The following FAM186B variants were observed in gnomAD, a reference collection of about 807,000 sequenced individuals.
FAM186B encodes the protein family with sequence similarity 186 member B.
In FAM186B, 68 loss-of-function variants were observed where a neutral mutation model predicts 83.4. The ratio of observed to expected loss-of-function variants is 0.81; its 90% CI spans 0.67 to 1.00. FAM186B has a LOEUF of 1.00. FAM186B is among the 50% of genes least tolerant of loss of function. The pLI is 0.00. For synonymous variants in FAM186B, 389 were observed against 422.0 expected, an observed-to-expected ratio of 0.92 and a Z score of 0.96; for missense variants, 983 against 1,099.2, an observed-to-expected ratio of 0.89 and a Z score of 1.49.
Position 49,605,573 on chromosome 12 carries a change from G to T in FAM186B, c.-96C>A. The T allele has an allele frequency of 7.3e-7, 1 of 1,366,646 alleles. No individual in the cohort carries two copies. Among genetic ancestry groups the T allele is most frequent in the South Asian group, 1.4e-5 (1 of 71,158 alleles). 84.7% of individuals were successfully genotyped at this position (1,366,646 alleles called of 1,614,324 possible). A position where few individuals can be genotyped will look rare whatever the true frequency, so the allele number is the denominator to read the frequency against. On this transcript the variant is annotated 5_prime_UTR_variant, in exon 1 of 7. Coordinates refer to ENST00000257894, the MANE Select transcript of FAM186B (RefSeq NM_032130.3). ...TGCTTTGGAGGTTAAGGGCACCAGG[G>T]TGTCTCCTGGGTACCCTCTGCCCAG... is the stretch of plus-strand genomic sequence containing the variant.
Position 49,599,482 on chromosome 12 carries a change from G to A in FAM186B, c.2158C>T (p.Leu720Phe), listed in dbSNP as rs1452293491. 6.5e-7 allele frequency: 1 copy of A among 1,535,684 alleles called. No homozygotes were observed. The highest frequency in any genetic ancestry group is 8.7e-7 in the Non-Finnish European group (1 of 1,144,316). The change falls in exon 4 of 7, where the codon CTC (leucine) becomes TTC (phenylalanine). Residue 720 changes from leucine to phenylalanine, a missense_variant. By Grantham distance (22) the Leu-to-Phe change is conservative. Coordinates refer to ENST00000257894, the MANE Select transcript of FAM186B (RefSeq NM_032130.3). Reference sequence around the variant, plus strand: ...GGGAGGACCTACCGGAGGCTCTGGAGGCGTCTATAGAAGATGTACTTATGG... The same window carrying A: ...GGGAGGACCTACCGGAGGCTCTGGAAGCGTCTATAGAAGATGTACTTATGG... ...LCHKYIFYRR[L>F]QSLRQEAINH...
At chr12:49,590,465 T>C (rs180884289) in intron 5 of FAM186B, among the ~76,000 whole-genome samples, 102 of 152,320 alleles carry the variant, frequency 6.7e-4, no homozygotes, top group African/African-American at 2.3e-3. Context: ...GAATGGGATA[T>C]AATGGATACA....
At chr12:49,608,322 C>T (rs113679252), upstream of FAM186B, among the ~76,000 whole-genome samples, 9,291 of 150,786 alleles carry the variant, frequency 0.062, 715 homozygotes, top group African/African-American at 0.18. Flanking sequence ...GAAACCTTGT[C>T]TCTACTAAAA....
rs150891582 is a variant in FAM186B at position 49,599,772 on chromosome 12, C to T, written c.1868G>A (p.Arg623His). The change falls in exon 4 of 7, where the codon CGC becomes CAC. Residue 623 changes from arginine (R) to histidine (H), a missense_variant. By Grantham distance (29) the Arg-to-His change is conservative. Transcript: ENST00000257894. The stretch of plus-strand genomic sequence containing the variant: ...TTTCTTGGGCTTTGTGGGAACTCGG[C>T]GGGTCCGTGGTCTGTAGGTAAACTC... The part of the protein sequence containing the change: ...SVEFTYRPRT[R>H]RVPTKPKKSA... 536 of 1,614,010 alleles carry T rather than the reference C, an allele frequency of 3.3e-4. No individual in the cohort carries two copies. The highest frequency in any genetic ancestry group is 4.3e-4 in the Admixed American group (26 of 60,018).
chr12:49,595,562 A>C, intron 5 of FAM186B: 1 of 443,346 alleles, frequency 2.3e-6, no homozygotes, highest in East Asian at 5.8e-5. Flanking sequence ...CGTGTGGAAA[A>C]GGACGGCCTG....
chr12:49,592,776 ACT>A (rs995610410), intron 5 of FAM186B, among the ~76,000 whole-genome samples: 7 of 151,980 alleles, frequency 4.6e-5, no homozygotes, highest in Non-Finnish European at 8.8e-5. Flanking sequence ...AGAGAGAAAG[ACT>A]CTCTCAAAAA....
At chr12:49,615,559 G>A in the FAM186B span, among the ~76,000 whole-genome samples, 1 of 152,206 alleles carries the variant, frequency 6.6e-6, no homozygotes, top group Non-Finnish European at 1.5e-5. Context: ...GGGAGGCTGA[G>A]GTGGGTGGAT....
intron 5 of FAM186B, among the ~76,000 whole-genome samples, chr12:49,593,859 A>C (rs923775003): frequency 2.6e-5 from 4 of 152,202 alleles, no homozygotes; most frequent in Admixed American, 2.0e-4. Context: ...AGCAATCTTA[A>C]ATGTGTATGC....
chr12:49,610,142 GAA>G (rs559931121), upstream of FAM186B, among the ~76,000 whole-genome samples: 2 of 114,830 alleles, frequency 1.7e-5, no homozygotes, highest in African/African-American at 3.1e-5. Flanking sequence ...AGGGAAGGTG[GAA>G]AAAAAAAAAA....
Position 49,595,133 on chromosome 12 carries a change from T to A in FAM186B, c.2364+3622A>T, listed in dbSNP as rs543501784. On this transcript the variant is annotated intron_variant, in intron 5 of 6. Coordinates refer to ENST00000257894, the MANE Select transcript of FAM186B (RefSeq NM_032130.3). Reference sequence around the variant, plus strand: ...AAAACATATAACCTGAGTTTTAAATTATTATTTTGAGTTTTTGGCTAAAGG... The same window carrying A: ...AAAACATATAACCTGAGTTTTAAATAATTATTTTGAGTTTTTGGCTAAAGG... 6.3e-5 allele frequency: 25 copies of A among 396,754 alleles called. No homozygotes were observed. The East Asian group carries it at 1.4e-3, about 22-fold the overall frequency. 24.6% of individuals were successfully genotyped at this position (396,754 alleles called of 1,614,324 possible). A position where few individuals can be genotyped will look rare whatever the true frequency, so the allele number is the denominator to read the frequency against.
At position 49,600,955 on chromosome 12, in the gene FAM186B, C is replaced by A. The variant is rs1565811644; in HGVS notation, c.685G>T (p.Glu229Ter). 1 of 1,614,070 alleles carries A rather than the reference C, an allele frequency of 6.2e-7. No homozygotes were observed. Among genetic ancestry groups the A allele is most frequent in the African/African-American group, 1.3e-5 (1 of 75,050 alleles). The change falls in exon 4 of 7, where the codon GAG becomes TAG. Residue 229 changes from glutamate (E) to a stop codon, truncating the protein, a stop_gained. Transcript: ENST00000257894. LOFTEE classifies it high-confidence loss of function. This position sits in a 1 kb window ranked among gnomAD's most constrained non-coding sequence, Gnocchi z 4.3. ...GCCATGTACCTGATGGCCCTGACCT[C>A]CCCCTTGCTGAACATGGTAGAGTCC... is the stretch of plus-strand genomic sequence containing the variant. ...LLDSTMFSKG[E>*]VRAIRYMATV... is the part of the protein sequence containing the mutation.
At chr12:49,594,743 C>T (rs1490551701) in intron 5 of FAM186B, among the ~76,000 whole-genome samples, 6 of 152,062 alleles carry the variant, frequency 3.9e-5, no homozygotes, top group Admixed American at 2.0e-4. Context: ...GGCATGGTGG[C>T]GCATGCCTGT....
the FAM186B span, among the ~76,000 whole-genome samples, chr12:49,620,938 G>A: frequency 6.6e-6 from 1 of 152,152 alleles, no homozygotes; most frequent in Non-Finnish European, 1.5e-5. Context: ...ACTACAGAAT[G>A]CCATTACACT....
chr12:49,582,885 T>TA (rs1449598836), downstream of FAM186B: 1 of 375,802 alleles, frequency 2.7e-6, no homozygotes, highest in African/African-American at 2.1e-5. Flanking sequence ...TACACAAAGA[T>TA]ACACACACAT....
chr12:49,604,087 G>A (rs1939956088), intron 2 of FAM186B: 1 of 546,512 alleles, frequency 1.8e-6, no homozygotes, highest in Non-Finnish European at 3.2e-6. Context: ...AAAATGAGAT[G>A]TCATAATGGA....
intron 5 of FAM186B, among the ~76,000 whole-genome samples, chr12:49,594,690 C>A (rs1939671954): frequency 6.6e-6 from 1 of 152,158 alleles, no homozygotes; most frequent in Non-Finnish European, 1.5e-5. Flanking sequence ...GCCTGGCCAA[C>A]ATGGTGAAAA....
chr12:49,609,368 A>G (rs543738096), upstream of FAM186B, among the ~76,000 whole-genome samples: 2 of 152,294 alleles, frequency 1.3e-5, no homozygotes, highest in East Asian at 3.9e-4. Context: ...CTTCCTGTGC[A>G]GACACTCTAG....
chr12:49,601,184 G>A (rs766761149), intron 3 of FAM186B, 50 bp from the exon 4 acceptor site: 25 of 1,511,594 alleles, frequency 1.7e-5, no homozygotes, highest in Non-Finnish European at 2.1e-5. Flanking sequence ...GGGTCCCAAG[G>A]ATTGCATTGA....
the FAM186B span, among the ~76,000 whole-genome samples, chr12:49,619,871 G>T: frequency 6.6e-6 from 1 of 151,566 alleles, no homozygotes; most frequent in Non-Finnish European, 1.5e-5. Context: ...GTAGAGACGG[G>T]GTTTCACCAT....
Sources: allele counts gnomAD v4.1 joint callset (sites outside exome capture counted in the v4.1 genomes callset), GRCh38; gene constraint gnomAD v4.1.1; non-coding constraint Gnocchi (gnomAD v3.1); transcripts MANE v1.5; gene names NCBI Gene and HGNC (gene_info 2026-07-23, HGNC 2026-07-21).